PCBP3: variants seen among roughly 807,000 people sequenced by gnomAD.
PCBP3 encodes poly(rC)-binding protein 3.
Under a neutral mutation model 52.7 loss-of-function variants are expected in PCBP3, and 25 were observed. That is an observed-to-expected ratio of 0.47 (90% confidence interval 0.35 to 0.66). The LOEUF (loss-of-function observed/expected upper bound fraction) is 0.66. PCBP3 is among the 30% of genes least tolerant of loss of function. The pLI, the probability that PCBP3 is intolerant of heterozygous loss-of-function variation, is 0.01. For missense variants in PCBP3, 391 were observed against 490.3 expected (o/e 0.80, Z 1.91); for synonymous variants, 162 against 183.0 (o/e 0.89, Z 0.93).
intron 5 of PCBP3, among the ~76,000 whole-genome samples, chr21:45,886,273 G>T (rs1410286551): frequency 1.3e-4 from 8 of 63,092 alleles, no homozygotes; most frequent in African/African-American, 2.1e-4. Flanking sequence ...CCTCATTGCC[G>T]CGGGTGCCAA....
chr21:45,806,667 G>A (rs2092513404), intron 4 of PCBP3, among the ~76,000 whole-genome samples: 3 of 151,914 alleles, frequency 2.0e-5, no homozygotes, highest in Admixed American at 1.3e-4. Context: ...ACCAGCCAGG[G>A]CCTCTCTAGT....
intron 1 of PCBP3, among the ~76,000 whole-genome samples, chr21:45,651,213 A>T (rs565202745): frequency 3.3e-5 from 5 of 152,314 alleles, no homozygotes; most frequent in African/African-American, 1.2e-4. Flanking sequence ...TAGAAAACTG[A>T]TGTACTGATC....
chr21:45,689,491 A>G (rs915899749), intron 2 of PCBP3, among the ~76,000 whole-genome samples: 21 of 152,092 alleles, frequency 1.4e-4, no homozygotes, highest in Non-Finnish European at 2.1e-4. Context: ...TTCATGGCGA[A>G]TGACTGAACG....
At chr21:45,835,631 C>G (rs896395688) in intron 4 of PCBP3, among the ~76,000 whole-genome samples, 13 of 152,238 alleles carry the variant, frequency 8.5e-5, no homozygotes, top group African/African-American at 3.1e-4. Flanking sequence ...CCACATGGCC[C>G]CTGCGTGAGG....
chr21:45,902,060 G>A (rs948536228), intron 9 of PCBP3, among the ~76,000 whole-genome samples: 2 of 152,200 alleles, frequency 1.3e-5, no homozygotes, highest in Admixed American at 6.5e-5. Context: ...GCTTGGGAGT[G>A]GGAGAGAAGA....
In PCBP3 at chr21:45,829,067, T is replaced by C. The variant is rs2839013; in HGVS notation, c.-125-20894T>C. ...CCGGCCTCCTTATAATGGAAAGAGC[T>C]AGTGTAGGAGCTGGGACAGGGATGG... On this transcript the variant is annotated intron_variant, in intron 4 of 17. Transcript: ENST00000681687. This position sits in a 1 kb window ranked among gnomAD's most constrained non-coding sequence, Gnocchi z 5.2. The C allele has an allele frequency of 0.37, 57,014 of 152,154 alleles. 10,962 individuals are homozygous for C. The highest frequency in any genetic ancestry group is 0.45 in the Middle Eastern group (133 of 296). 9.4% of individuals were successfully genotyped at this position (152,154 alleles called of 1,614,324 possible). A position where few individuals can be genotyped will look rare whatever the true frequency, so the allele number is the denominator to read the frequency against.
intron 9 of PCBP3, among the ~76,000 whole-genome samples, chr21:45,903,128 G>A (rs2096109507): frequency 6.6e-6 from 1 of 152,154 alleles, no homozygotes; most frequent in Admixed American, 6.5e-5. Context: ...AGCAGGGCCT[G>A]GTGACTGGTC....
At chr21:45,926,609 C>A (rs943495693) in intron 13 of PCBP3, among the ~76,000 whole-genome samples, 13 of 152,126 alleles carry the variant, frequency 8.5e-5, no homozygotes, top group Non-Finnish European at 1.8e-4. Flanking sequence ...TTGGACAGGA[C>A]AGAGCTGCCC....
intron 10 of PCBP3, among the ~76,000 whole-genome samples, chr21:45,910,620 CGTTT>C (rs2096368618): frequency 6.6e-6 from 1 of 152,156 alleles, no homozygotes; most frequent in Non-Finnish European, 1.5e-5. Context: ...TGAAAAGAGT[CGTTT>C]GTCTCCCTGA....
chr21:45,738,837 C>T (rs532769198), intron 3 of PCBP3, among the ~76,000 whole-genome samples: 1 of 145,960 alleles, frequency 6.9e-6, no homozygotes, highest in Admixed American at 6.8e-5. Context: ...CTTCATCAGC[C>T]CACCCCTTCC....
chr21:45,843,947 T>C (rs2093751530), intron 4 of PCBP3, among the ~76,000 whole-genome samples: 2 of 152,262 alleles, frequency 1.3e-5, no homozygotes, highest in South Asian at 4.2e-4. Flanking sequence ...TATACTTGTG[T>C]GAACTGTAAA....
intron 4 of PCBP3, among the ~76,000 whole-genome samples, chr21:45,782,373 T>G (rs556202209): frequency 1.8e-3 from 273 of 152,238 alleles, no homozygotes; most frequent in Middle Eastern, 6.8e-3. Flanking sequence ...AATGGACATT[T>G]TAGAATTGAA....
At chr21:45,776,623 G>A (rs2090282105) in intron 4 of PCBP3, among the ~76,000 whole-genome samples, 1 of 151,870 alleles carries the variant, frequency 6.6e-6, no homozygotes, top group South Asian at 2.1e-4. Flanking sequence ...ATTATTTAAT[G>A]ACTTTGTCTT....
At chr21:45,849,372 T>C (rs758257887) in intron 4 of PCBP3, among the ~76,000 whole-genome samples, 14 of 151,902 alleles carry the variant, frequency 9.2e-5, no homozygotes, top group Non-Finnish European at 1.8e-4. Context: ...CCCTGGCTAA[T>C]TTTTTGTATT....
intron 3 of PCBP3, among the ~76,000 whole-genome samples, chr21:45,751,851 C>T (rs993658978): frequency 2.6e-5 from 4 of 152,164 alleles, no homozygotes; most frequent in Admixed American, 6.5e-5. Context: ...CGTAGCTCAG[C>T]GTGGTTTTAA....
intron 2 of PCBP3, among the ~76,000 whole-genome samples, chr21:45,691,151 A>G (rs1362414225): frequency 6.6e-6 from 1 of 152,068 alleles, no homozygotes; most frequent in Non-Finnish European, 1.5e-5. Flanking sequence ...CAAAGAGTAC[A>G]ATACTAACTA....
intron 3 of PCBP3, among the ~76,000 whole-genome samples, chr21:45,738,658 G>A (rs1003543609): frequency 2.6e-5 from 4 of 152,200 alleles, no homozygotes; most frequent in African/African-American, 7.2e-5. Flanking sequence ...GCAGAGAGCA[G>A]CTGAAGGGTA....
At chr21:45,938,611 TG>T (rs2077127819) in intron 16 of PCBP3, among the ~76,000 whole-genome samples, 1 of 149,546 alleles carries the variant, frequency 6.7e-6, no homozygotes, top group Non-Finnish European at 1.5e-5. Context: ...GGACTGCGGG[TG>T]GGGCCTTGGG....
At chr21:45,940,340 G>A in intron 17 of PCBP3, 141 bp downstream of exon 17, 1 of 709,640 alleles carries the variant, frequency 1.4e-6, no homozygotes, top group Admixed American at 2.9e-5. Context: ...TCTGCTCCAG[G>A]CTGGATGGTG....
Sources: gnomAD v4.1 joint callset for allele counts (sites outside exome capture counted in the v4.1 genomes callset) on GRCh38, gnomAD v4.1.1 for gene constraint, Gnocchi (gnomAD v3.1) non-coding constraint, MANE v1.5 for transcripts, NCBI Gene and HGNC (gene_info 2026-07-23, HGNC 2026-07-21) for gene names.